SKIL: variants seen among roughly 807,000 people sequenced by gnomAD.
The protein encoded by SKIL is SKI like proto-oncogene.
A neutral mutation model predicts 69.6 loss-of-function variants in SKIL; 20 were observed. The observed-to-expected ratio is 0.29, with a 90% CI of 0.20 to 0.42. The LOEUF (loss-of-function observed/expected upper bound fraction) is 0.42, where lower values mean the gene tolerates loss of function less well. SKIL is among the 10% of genes least tolerant of loss of function. The pLI, the probability that SKIL is intolerant of heterozygous loss-of-function variation, is 1.00. For missense variants in SKIL, 745 were observed against 783.1 expected, an observed-to-expected ratio of 0.95 and a Z score of 0.58; for synonymous variants, 310 against 279.9, an observed-to-expected ratio of 1.11 and a Z score of -1.08.
chr3:170,379,771 G>A (rs1168481433), intron 2 of SKIL, among the ~76,000 whole-genome samples: 2 of 152,092 alleles, frequency 1.3e-5, no homozygotes, highest in Non-Finnish European at 2.9e-5. Context: ...AGCCTCCCGA[G>A]TAGCTGGGAT....
At chr3:170,384,425 T>C (rs1737512990) in intron 3 of SKIL, 108 bp from the exon 4 acceptor site, 2 of 580,892 alleles carry the variant, frequency 3.4e-6, no homozygotes, top group Non-Finnish European at 6.1e-6. Flanking sequence ...ATTGTCTGTT[T>C]TGGTTAGAAA....
intron 2 of SKIL, among the ~76,000 whole-genome samples, chr3:170,378,040 C>T (rs1407728463): frequency 6.6e-6 from 1 of 152,020 alleles, no homozygotes; most frequent in Non-Finnish European, 1.5e-5. Flanking sequence ...ATTACAGGTG[C>T]GTACCACCAC....
rs1265692080 is a variant in SKIL, at chr3:170,395,121, G to A, written c.*2704G>A. ...AGAAGGAAGAAAGAATATTAGCTTG[G>A]GTGATGTTTAATTTGGGTGGCGATA... On this transcript the variant is annotated 3_prime_UTR_variant, in exon 7 of 7. Coordinates refer to ENST00000259119, the MANE Select transcript of SKIL (RefSeq NM_005414.5). The A allele has an allele frequency of 6.6e-6, 1 of 152,102 alleles. No homozygotes were observed. The highest frequency in any genetic ancestry group is 1.5e-5 in the Non-Finnish European group (1 of 67,970). The allele number at this position is 152,102 out of a possible 1,614,324, so 9.4% of individuals were successfully genotyped here. A position where few individuals can be genotyped will look rare whatever the true frequency, so the allele number is the denominator to read the frequency against.
chr3:170,369,191 T>G (rs553868219), intron 2 of SKIL, among the ~76,000 whole-genome samples: 94 of 151,346 alleles, frequency 6.2e-4, no homozygotes, highest in African/African-American at 2.0e-3. Flanking sequence ...AAAAATAGAA[T>G]TGTTAGCATA....
chr3:170,388,694 T>C (rs981910374), intron 4 of SKIL, among the ~76,000 whole-genome samples: 2 of 152,032 alleles, frequency 1.3e-5, no homozygotes, highest in Non-Finnish European at 2.9e-5. Flanking sequence ...CCTCCCAAAG[T>C]GTTGGGATTA....
At position 170,395,104 on chromosome 3, in the gene SKIL, G is replaced by T. The variant is rs775607365; in HGVS notation, c.*2687G>T. On this transcript the variant is annotated 3_prime_UTR_variant, in exon 7 of 7. Transcript: ENST00000259119. ...TTTGCTAGCTCATCTTTAGAAGGAA[G>T]AAAGAATATTAGCTTGGGTGATGTT... is the stretch of plus-strand genomic sequence containing the variant. 1 of 152,166 alleles carries T rather than the reference G, an allele frequency of 6.6e-6. No homozygotes were observed. The highest frequency in any genetic ancestry group is 1.5e-5 in the Non-Finnish European group (1 of 67,984). The allele number at this position is 152,166 out of a possible 1,614,324, so 9.4% of individuals were successfully genotyped here. A position where few individuals can be genotyped will look rare whatever the true frequency, so the allele number is the denominator to read the frequency against.
In SKIL at chr3:170,360,508, A is replaced by C. The variant is rs763680655; in HGVS notation, c.177A>C (p.Glu59Asp). Residue 59 changes from glutamate (E) to aspartate (D), a missense_variant, in exon 2 of 7, where the codon GAA (glutamate) becomes GAC (aspartate). Glu to Asp is a conservative substitution (Grantham distance 45). Coordinates refer to ENST00000259119, the MANE Select transcript of SKIL (RefSeq NM_005414.5). Reference sequence around the variant, plus strand: ...AGGAACACTTGGATGACTATGGAGAAGCACCAGTGGAAACTGATGGAGAGC... The same window carrying C: ...AGGAACACTTGGATGACTATGGAGACGCACCAGTGGAAACTGATGGAGAGC... The part of the protein sequence containing the change: ...VKKEHLDDYG[E>D]APVETDGEHV... 2 of 1,614,176 alleles carry C rather than the reference A, an allele frequency of 1.2e-6. No homozygotes were observed. The highest frequency in any genetic ancestry group is 3.3e-5 in the Admixed American group (2 of 60,012).
rs1408113141 is a variant in SKIL at position 170,395,198 on chromosome 3, A to G, written c.*2781A>G. On this transcript the variant is annotated 3_prime_UTR_variant, in exon 7 of 7. Transcript: ENST00000259119. ...AAAGTGTACCTACTCTATAAAGGTA[A>G]TAAATGTAAAACCTCTTGCTGTTAT... 2.6e-5 allele frequency: 4 copies of G among 152,146 alleles called. No individual in the cohort carries two copies. Among genetic ancestry groups the G allele is most frequent in the African/African-American group, 7.2e-5 (3 of 41,436 alleles). 9.4% of individuals were successfully genotyped at this position (152,146 alleles called of 1,614,324 possible).
In SKIL at chr3:170,386,123, TTTTG is replaced by T. The variant is rs555679590; in HGVS notation, c.1429+1379_1429+1382del. Among the ~76,000 whole-genome samples the T allele has an allele frequency of 2.1e-3, 311 of 149,334 alleles. 1 individual carries two copies. Among genetic ancestry groups the T allele is most frequent in the East Asian group, 5.2e-3 (26 of 4,974 alleles). On this transcript the variant is annotated intron_variant, in intron 4 of 6. Transcript: ENST00000259119. Reference sequence around the variant, plus strand: ...TTCTTGGGTGGGGGTTTTCTGGTTTTTTTGTTTGTTTGTTTGTTTGTTTGGAGAC... The same window carrying T: ...TTCTTGGGTGGGGGTTTTCTGGTTTTTTTGTTTGTTTGTTTGTTTGGAGAC...
At position 170,390,338 on chromosome 3, in the gene SKIL, G is replaced by A. The variant is rs375044899; in HGVS notation, c.1545G>A (p.Pro515=). Residue 515 remains proline, a synonymous_variant, in exon 5 of 7, where the codon CCG becomes CCA. Coordinates refer to ENST00000259119, the MANE Select transcript of SKIL (RefSeq NM_005414.5). ...GCCTTGTTGCTGCCGCTTCATCTCC[G>A]CTTCTTGTGAAAGATGTCATTTGTG... ...GIGLVAAASS[P]LLVKDVICED... is the part of the protein sequence containing the mutation. 6.4e-5 allele frequency: 104 copies of A among 1,613,982 alleles called. 1 individual carries two copies. In the African/African-American group the frequency reaches 1.0e-3, roughly 16 times the overall value.
rs113372694 is a variant in SKIL, at chr3:170,369,324, G to A, written c.1098+7895G>A. 2.8e-3 allele frequency among the ~76,000 whole-genome samples: 433 copies of A among 152,224 alleles called. 6 individuals are homozygous for A. The highest frequency in any genetic ancestry group is 9.8e-3 in the African/African-American group (409 of 41,538). On this transcript the variant is annotated intron_variant, in intron 2 of 6. Transcript: ENST00000259119. ...TTCAGAGTAGGCCTGGATCATCATAGTCAGCCAGTAGTTTTCTCGTAGCAG... is the reference window on the plus strand; with the variant it reads ...TTCAGAGTAGGCCTGGATCATCATAATCAGCCAGTAGTTTTCTCGTAGCAG...
intron 2 of SKIL, among the ~76,000 whole-genome samples, chr3:170,368,402 T>C (rs79091297): frequency 0.017 from 2,631 of 152,302 alleles, 53 homozygotes; most frequent in East Asian, 0.094. Flanking sequence ...TCAATTAAAT[T>C]TTTCTTTTTT....
At chr3:170,366,970 T>TA (rs964535111) in intron 2 of SKIL, among the ~76,000 whole-genome samples, 2 of 152,234 alleles carry the variant, frequency 1.3e-5, no homozygotes, top group African/African-American at 4.8e-5. Context: ...TGTTGAATAT[T>TA]ACGTTTGTAT....
At chr3:170,366,686 C>CACAAACACAG (rs1553852218) in intron 2 of SKIL, among the ~76,000 whole-genome samples, 1 of 97,522 alleles carries the variant, frequency 1.0e-5, no homozygotes, top group African/African-American at 4.6e-5. Context: ...CACACACACA[C>CACAAACACAG]ACACACACAG....
intron 3 of SKIL, 38 bp from the exon 4 acceptor site, chr3:170,384,495 T>G: frequency 2.2e-6 from 2 of 929,830 alleles, no homozygotes; most frequent in Non-Finnish European, 1.7e-6. Context: ...AATTGTAATA[T>G]GTAATATATG....
At chr3:170,386,448 T>C (rs1737638306) in intron 4 of SKIL, among the ~76,000 whole-genome samples, 1 of 152,028 alleles carries the variant, frequency 6.6e-6, no homozygotes, top group Non-Finnish European at 1.5e-5. Context: ...TCTATACATT[T>C]ATTTTGAGGG....
rs546595842 is a variant in SKIL at position 170,392,886 on chromosome 3, T to C, written c.*469T>C. On this transcript the variant is annotated 3_prime_UTR_variant, in exon 7 of 7. Coordinates refer to ENST00000259119, the MANE Select transcript of SKIL (RefSeq NM_005414.5). ...TTAACACAATTTTTCTAAGTTGATA[T>C]GGTGTACTCATTAACATACACCAAA... The C allele has an allele frequency of 6.6e-6, 1 of 152,634 alleles. No individual in the cohort carries two copies. Among genetic ancestry groups the C allele is most frequent in the African/African-American group, 2.4e-5 (1 of 41,596 alleles). 9.5% of individuals were successfully genotyped at this position (152,634 alleles called of 1,614,324 possible).
At chr3:170,379,952 A>G (rs1397083717) in intron 2 of SKIL, among the ~76,000 whole-genome samples, 4 of 152,126 alleles carry the variant, frequency 2.6e-5, no homozygotes. Flanking sequence ...CCCCTCTTCA[A>G]TTTCTGAACG....
At position 170,391,118 on chromosome 3, in the gene SKIL, T is replaced by C. The variant is rs747536351; in HGVS notation, c.1754T>C (p.Leu585Ser). 6.2e-7 allele frequency: 1 copy of C among 1,610,782 alleles called. No individual in the cohort carries two copies. Among genetic ancestry groups the C allele is most frequent in the Non-Finnish European group, 8.5e-7 (1 of 1,176,998 alleles). Reference sequence around the variant, plus strand: ...AATTTACAGAAAGAGCTTGAATCTTTGCAGAATGAACATGCTCAAAGAATG... The same window carrying C: ...AATTTACAGAAAGAGCTTGAATCTTCGCAGAATGAACATGCTCAAAGAATG... Reference protein sequence around the residue: ...QQNLQKELESLQNEHAQRMEE... With the variant: ...QQNLQKELESSQNEHAQRMEE... Residue 585 changes from leucine to serine, a missense_variant, in exon 6 of 7, where the codon TTG (leucine) becomes TCG (serine). Transcript: ENST00000259119.
Sources: allele counts gnomAD v4.1 joint callset (sites outside exome capture counted in the v4.1 genomes callset), GRCh38; gene constraint gnomAD v4.1.1; transcripts MANE v1.5; gene names NCBI Gene and HGNC (gene_info 2026-07-23, HGNC 2026-07-21).